The following DLEC1 variants were observed in gnomAD, a reference collection of about 807,000 sequenced individuals.
DLEC1 encodes deleted in lung and esophageal cancer protein 1.
A neutral mutation model predicts 198.1 loss-of-function variants in DLEC1; 146 were observed. That is an observed-to-expected ratio of 0.74 (90% CI 0.64 to 0.85). The LOEUF is 0.85. DLEC1 is among the 40% of genes least tolerant of loss of function. The probability of loss-of-function intolerance (pLI) is 0.00; values close to 1 mark genes in which losing one functional copy is unlikely to be tolerated. For synonymous variants in DLEC1, 897 were observed against 866.8 expected (o/e 1.03, Z -0.61); for missense variants, 2,233 against 2,220.0 (o/e 1.01, Z -0.12).
In DLEC1 at chr3:38,059,229, T is replaced by G. The variant is rs1476556247; in HGVS notation, c.563-513T>G. ...GCTCAGGTCTGCTCTGGATTCCCCCTGGGGTCTAAGATGAAGGGACAGGGA... is the reference window on the plus strand; with the variant it reads ...GCTCAGGTCTGCTCTGGATTCCCCCGGGGGTCTAAGATGAAGGGACAGGGA... On this transcript the variant is annotated intron_variant, in intron 2 of 36. Transcript: ENST00000308059. 3.9e-5 allele frequency among the ~76,000 whole-genome samples: 6 copies of G among 152,288 alleles called. 1 individual carries two copies. In the South Asian group the frequency reaches 6.2e-4, roughly 16 times the overall value.
rs555715599 is a variant in DLEC1 at position 38,106,383 on chromosome 3, C to T, written c.2865-1201C>T. Among the ~76,000 whole-genome samples, 20 of 152,294 alleles carry T rather than the reference C, an allele frequency of 1.3e-4. 1 individual carries two copies. In the South Asian group the frequency reaches 4.1e-3, roughly 32 times the overall value. On this transcript the variant is annotated intron_variant, in intron 19 of 36. Coordinates refer to ENST00000308059, the MANE Select transcript of DLEC1 (RefSeq NM_007335.4). ...AGGGCAGGTTTTCAGGAAGGGCATG[C>T]TGGCATTTTTGGGGACAAGATGAAG...
chr3:38,097,576 T>A lies in DLEC1; in HGVS notation c.2504T>A (p.Leu835Gln), dbSNP rs1452466021. Residue 835 changes from leucine to glutamine, a missense_variant, in exon 17 of 37, where the codon CTG (leucine) becomes CAG (glutamine). Leu to Gln is a moderately radical substitution (Grantham distance 113). Coordinates refer to ENST00000308059, the MANE Select transcript of DLEC1 (RefSeq NM_007335.4). ...GGVPGPTSQD[L>Q]LCEIEDSPSP... is the part of the protein sequence containing the mutation. ...GTCCCTGGCCCCACAAGCCAGGACC[T>A]GCTGTGTGAAATCGAAGACTCGCCC... 1 of 1,614,196 alleles carries A rather than the reference T, an allele frequency of 6.2e-7. No individual in the cohort carries two copies. Among genetic ancestry groups the A allele is most frequent in the African/African-American group, 1.3e-5 (1 of 75,044 alleles).
chr3:38,115,757 G>A (rs1700121002), intron 27 of DLEC1, among the ~76,000 whole-genome samples: 1 of 152,156 alleles, frequency 6.6e-6, no homozygotes, highest in African/African-American at 2.4e-5. Flanking sequence ...GGGAGATGAG[G>A]TGGGGCTACC....
At chr3:38,060,737 C>T (rs1488461683) in intron 3 of DLEC1, among the ~76,000 whole-genome samples, 3 of 151,756 alleles carry the variant, frequency 2.0e-5, no homozygotes, top group Admixed American at 1.3e-4. Flanking sequence ...TTTTGTTGTC[C>T]AGGCTAGAGT....
intron 7 of DLEC1, among the ~76,000 whole-genome samples, chr3:38,084,513 G>A (rs1698302851): frequency 6.6e-6 from 1 of 151,720 alleles, no homozygotes; most frequent in East Asian, 1.9e-4. Context: ...GGTAGTAGTA[G>A]TAGTGGTAGT....
intron 2 of DLEC1, chr3:38,051,899 A>G (rs1448489203): frequency 3.8e-5 from 6 of 156,888 alleles, no homozygotes; most frequent in Non-Finnish European, 8.5e-5. Context: ...GATGACTTCA[A>G]GATTCATTTA....
intron 34 of DLEC1, 127 bp downstream of exon 34, chr3:38,120,736 G>A: frequency 1.5e-6 from 2 of 1,325,846 alleles, no homozygotes; most frequent in South Asian, 3.0e-5. Context: ...CTGTCCTGGG[G>A]CTCAGTCTCC....
intron 27 of DLEC1, 88 bp downstream of exon 27, chr3:38,115,141 C>G: frequency 6.8e-7 from 1 of 1,477,984 alleles, no homozygotes. Flanking sequence ...GGAGGGAAGC[C>G]GATGGCCCAT....
intron 9 of DLEC1, among the ~76,000 whole-genome samples, chr3:38,087,749 C>G (rs575415300): frequency 2.0e-5 from 3 of 152,376 alleles, no homozygotes; most frequent in Non-Finnish European, 4.4e-5. Context: ...ATTTCTGTTA[C>G]TGACCAGGGT....
rs1699675760 is a variant in DLEC1, at chr3:38,108,319, C to T, written c.3019-86C>T. 10 of 1,125,178 alleles carry T rather than the reference C, an allele frequency of 8.9e-6. 1 individual carries two copies. The highest frequency in any genetic ancestry group is 1.2e-5 in the Non-Finnish European group (9 of 765,320). 69.7% of individuals were successfully genotyped at this position (1,125,178 alleles called of 1,614,324 possible). ...CCCAGTCTGCCAGTCTCCAGCATTG[C>T]ATGCAGCAGTGCTGAGCACTCTCTG... On this transcript the variant is annotated intron_variant, in intron 20 of 36. Transcript: ENST00000308059.
chr3:38,076,436 G>A (rs1019871199), intron 6 of DLEC1, among the ~76,000 whole-genome samples: 1 of 151,998 alleles, frequency 6.6e-6, no homozygotes, highest in African/African-American at 2.4e-5. Flanking sequence ...ATTTGGGTGG[G>A]TAAAGGAAAA....
intron 6 of DLEC1, among the ~76,000 whole-genome samples, chr3:38,073,998 G>T (rs1178185303): frequency 6.6e-6 from 1 of 152,208 alleles, no homozygotes; most frequent in Non-Finnish European, 1.5e-5. Flanking sequence ...GGCTCTAGGA[G>T]TGGCTGCTGG....
intron 6 of DLEC1, among the ~76,000 whole-genome samples, chr3:38,076,281 T>A (rs1697614251): frequency 6.6e-6 from 1 of 152,172 alleles, no homozygotes; most frequent in South Asian, 2.1e-4. Context: ...CCTGAGGTCG[T>A]AGGTGGTTTC....
chr3:38,081,207 G>A (rs1324899565), intron 6 of DLEC1, among the ~76,000 whole-genome samples: 1 of 138,980 alleles, frequency 7.2e-6, no homozygotes, highest in Non-Finnish European at 1.6e-5. Context: ...AGTCTCCCAT[G>A]TCTACTTCTT....
chr3:38,116,263 G>A (rs1205845893), intron 27 of DLEC1, among the ~76,000 whole-genome samples, 190 bp from the exon 28 acceptor site: 1 of 152,210 alleles, frequency 6.6e-6, no homozygotes, highest in Non-Finnish European at 1.5e-5. Flanking sequence ...AACGGCATAA[G>A]CCTGTAAAGC....
At position 38,112,351 on chromosome 3, in the gene DLEC1, T is replaced by C; in HGVS notation, c.3656T>C (p.Leu1219Pro). The C allele has an allele frequency of 6.2e-7, 1 of 1,613,982 alleles. No homozygotes were observed. Among genetic ancestry groups the C allele is most frequent in the Non-Finnish European group, 8.5e-7 (1 of 1,179,970 alleles). ...ANMWGEYWDNLICTVGDLLPE... is the reference protein window; with the variant it reads ...ANMWGEYWDNPICTVGDLLPE... The stretch of plus-strand genomic sequence containing the variant: ...ATGTGGGGCGAGTACTGGGACAACC[T>C]CATCTGCACGGTAAGGGTACACAAG... The change falls in exon 25 of 37, where the codon CTC becomes CCC. Residue 1219 changes from leucine (L) to proline (P), a missense_variant. Transcript: ENST00000308059. This position sits in a 1 kb window ranked among gnomAD's most constrained non-coding sequence, Gnocchi z 4.8.
intron 10 of DLEC1, among the ~76,000 whole-genome samples, chr3:38,091,862 C>A (rs1200855413): frequency 1.3e-5 from 2 of 151,916 alleles, no homozygotes; most frequent in South Asian, 2.1e-4. Context: ...TAAGTGTTGG[C>A]GAGGATGTAG....
chr3:38,076,026 G>C (rs1360636846), intron 6 of DLEC1, among the ~76,000 whole-genome samples: 3 of 152,212 alleles, frequency 2.0e-5, no homozygotes, highest in Non-Finnish European at 4.4e-5. Flanking sequence ...TCAAGGGAAG[G>C]CTGCCTTCCT....
At position 38,109,414 on chromosome 3, in the gene DLEC1, G is replaced by T; in HGVS notation, c.3130-18G>T. On this transcript the variant is annotated intron_variant, in intron 21 of 36. Transcript: ENST00000308059. ...AGGCCCCAGGCCTGGTCTGACCCCT[G>T]GATGGGCTTTCTTATAGGAAGAGCT... 2 of 1,613,994 alleles carry T rather than the reference G, an allele frequency of 1.2e-6. No individual in the cohort carries two copies. The highest frequency in any genetic ancestry group is 1.7e-6 in the Non-Finnish European group (2 of 1,179,926).
Sources: allele counts gnomAD v4.1 joint callset (sites outside exome capture counted in the v4.1 genomes callset), GRCh38; gene constraint gnomAD v4.1.1; non-coding constraint Gnocchi (gnomAD v3.1); transcripts MANE v1.5; gene names NCBI Gene and HGNC (gene_info 2026-07-23, HGNC 2026-07-21).